The following CBFB variants were observed in gnomAD, a reference collection of about 807,000 sequenced individuals.
CBFB encodes core-binding factor subunit beta, also known as CBF-beta.
Under a neutral mutation model 30.4 loss-of-function variants are expected in CBFB, and 9 were observed. The observed-to-expected ratio is 0.30, with a 90% CI of 0.18 to 0.52. The LOEUF is 0.52. CBFB is among the 20% of genes least tolerant of loss of function. CBFB has a pLI of 0.97. For missense variants in CBFB, 170 were observed against 244.0 expected, an observed-to-expected ratio of 0.70 and a Z score of 2.02; for synonymous variants, 94 against 84.0, an observed-to-expected ratio of 1.12 and a Z score of -0.65.
chr16:67,057,888 A>G (rs1252648057), intron 3 of CBFB, among the ~76,000 whole-genome samples: 3 of 152,056 alleles, frequency 2.0e-5, no homozygotes, highest in Non-Finnish European at 2.9e-5. Context: ...CAGCACTCCT[A>G]TATATTTATT....
chr16:67,075,288 C>T (rs1961361471), intron 4 of CBFB, among the ~76,000 whole-genome samples: 1 of 150,980 alleles, frequency 6.6e-6, no homozygotes, highest in African/African-American at 2.4e-5. Flanking sequence ...GAAACACAGA[C>T]AACCTAAAAG....
At position 67,099,001 on chromosome 16, in the gene CBFB, G is replaced by GT. The variant is rs1428568517; in HGVS notation, c.*231dup. On this transcript the variant is annotated 3_prime_UTR_variant, in exon 6 of 6. Transcript: ENST00000412916. Reference sequence around the variant, plus strand: ...AGCATGTAGCCAGTAATAATTTGAAGTTTTTTTTCTATGCAAGCTTACCTT... The same window carrying GT: ...AGCATGTAGCCAGTAATAATTTGAAGTTTTTTTTTCTATGCAAGCTTACCTT... 2.7e-5 allele frequency: 11 copies of GT among 413,260 alleles called. No homozygotes were observed. Among genetic ancestry groups the GT allele is most frequent in the Admixed American group, 1.3e-4 (3 of 23,380 alleles). The allele number at this position is 413,260 out of a possible 1,614,324, so 25.6% of individuals were successfully genotyped here.
intron 2 of CBFB, among the ~76,000 whole-genome samples, chr16:67,030,623 A>T (rs983924173): frequency 1.3e-5 from 2 of 152,140 alleles, no homozygotes; most frequent in African/African-American, 2.4e-5. Flanking sequence ...TTTTTGAGGT[A>T]GAGTCTTGCT....
At chr16:67,074,432 G>T (rs139167937) in intron 4 of CBFB, among the ~76,000 whole-genome samples, 86 of 151,070 alleles carry the variant, frequency 5.7e-4, no homozygotes, top group African/African-American at 2.0e-3. Context: ...CACCAGGCTG[G>T]AGTGCAGTGG....
At position 67,099,603 on chromosome 16, in the gene CBFB, T is replaced by C. The variant is rs1311545386; in HGVS notation, c.*825T>C. ...TACTCTGCCCTAGATTGTTTTAGCTTCTGTTCTGTAATCATGAGTTTGGTT... is the reference window on the plus strand; with the variant it reads ...TACTCTGCCCTAGATTGTTTTAGCTCCTGTTCTGTAATCATGAGTTTGGTT... On this transcript the variant is annotated 3_prime_UTR_variant, in exon 6 of 6. Transcript: ENST00000412916. The C allele has an allele frequency of 4.5e-5, 9 of 201,982 alleles. No individual in the cohort carries two copies. Among genetic ancestry groups the C allele is most frequent in the Non-Finnish European group, 9.2e-5 (9 of 98,058 alleles). The allele number at this position is 201,982 out of a possible 1,614,324, so 12.5% of individuals were successfully genotyped here.
chr16:67,036,894 G>A, intron 3 of CBFB, 139 bp downstream of exon 3: 1 of 602,352 alleles, frequency 1.7e-6, no homozygotes, highest in Non-Finnish European at 2.9e-6. Context: ...ATGTTATAAG[G>A]ATGTAATATA....
At chr16:67,076,033 C>A (rs977278713) in intron 4 of CBFB, among the ~76,000 whole-genome samples, 5 of 152,118 alleles carry the variant, frequency 3.3e-5, no homozygotes, top group African/African-American at 1.2e-4. Context: ...AGTTCGAGAC[C>A]ACCTTGGCCA....
chr16:67,041,359 T>G (rs1966527044), intron 3 of CBFB, among the ~76,000 whole-genome samples: 2 of 152,124 alleles, frequency 1.3e-5, no homozygotes, highest in African/African-American at 4.8e-5. Flanking sequence ...GTAATCTTGG[T>G]GAGAGACCAG....
Position 67,029,230 on chromosome 16 carries a change from G to C in CBFB, c.-178G>C. On this transcript the variant is annotated 5_prime_UTR_variant, in exon 1 of 6. Transcript: ENST00000412916. ...GCGGCGGCGTGGGTTGGGCTCGAGC[G>C]GGCGGCGGCGCCTCAGACTCCCCGG... 3.2e-6 allele frequency: 1 copy of C among 315,982 alleles called. No homozygotes were observed. The highest frequency in any genetic ancestry group is 5.5e-6 in the Non-Finnish European group (1 of 180,544). 19.6% of individuals were successfully genotyped at this position (315,982 alleles called of 1,614,324 possible).
chr16:67,045,026 A>ATG (rs1966597716), intron 3 of CBFB, among the ~76,000 whole-genome samples: 1 of 152,206 alleles, frequency 6.6e-6, no homozygotes, highest in African/African-American at 2.4e-5. Context: ...TTTTAAAAAT[A>ATG]TGCTTTAGAT....
chr16:67,034,955 A>G (rs1238188329), intron 2 of CBFB, among the ~76,000 whole-genome samples: 1 of 152,180 alleles, frequency 6.6e-6, no homozygotes, highest in Non-Finnish European at 1.5e-5. Flanking sequence ...TTGATTTGTG[A>G]GAAAACTGAA....
intron 3 of CBFB, among the ~76,000 whole-genome samples, chr16:67,043,147 C>T (rs1217947964): frequency 1.3e-5 from 2 of 152,122 alleles, no homozygotes; most frequent in African/African-American, 4.8e-5. Flanking sequence ...CTAAGTCTAG[C>T]CCACATTCAA....
chr16:67,047,700 A>T (rs1038319673), intron 3 of CBFB, among the ~76,000 whole-genome samples: 3 of 151,860 alleles, frequency 2.0e-5, no homozygotes, highest in Non-Finnish European at 4.4e-5. Context: ...TTTTTTTTTT[A>T]GGATATTTAT....
intron 3 of CBFB, among the ~76,000 whole-genome samples, chr16:67,058,991 G>GT (rs768311764): frequency 9.2e-5 from 14 of 152,192 alleles, no homozygotes; most frequent in Non-Finnish European, 1.8e-4. Flanking sequence ...CAAATCTGTA[G>GT]TTACTCTGTT....
chr16:67,083,893 A>T (rs1286270526), intron 5 of CBFB, among the ~76,000 whole-genome samples: 1 of 152,038 alleles, frequency 6.6e-6, no homozygotes, highest in Non-Finnish European at 1.5e-5. Flanking sequence ...CTAGGGCCAG[A>T]TGCTATGGCT....
intron 3 of CBFB, among the ~76,000 whole-genome samples, chr16:67,054,022 G>T (rs1194823889): frequency 6.6e-6 from 1 of 151,928 alleles, no homozygotes; most frequent in African/African-American, 2.4e-5. Context: ...TCTTGGTGAT[G>T]ACCATCCTCA....
intron 5 of CBFB, among the ~76,000 whole-genome samples, chr16:67,083,936 A>G (rs1350487804): frequency 6.6e-6 from 1 of 151,966 alleles, no homozygotes; most frequent in Non-Finnish European, 1.5e-5. Context: ...TGGGAGGCTG[A>G]GGTGGGAGGA....
chr16:67,040,985 G>A (rs951190107), intron 3 of CBFB, among the ~76,000 whole-genome samples: 1 of 152,194 alleles, frequency 6.6e-6, no homozygotes, highest in Non-Finnish European at 1.5e-5. Context: ...GGAGTAGACT[G>A]TGAAAGAAGT....
At chr16:67,046,993 G>A (rs1966637749) in intron 3 of CBFB, among the ~76,000 whole-genome samples, 1 of 152,030 alleles carries the variant, frequency 6.6e-6, no homozygotes, top group Non-Finnish European at 1.5e-5. Flanking sequence ...AAATTGATGT[G>A]TGTTTAGGAA....
Sources: gnomAD v4.1 joint callset for allele counts (sites outside exome capture counted in the v4.1 genomes callset) on GRCh38, gnomAD v4.1.1 for gene constraint, MANE v1.5 for transcripts, NCBI Gene and HGNC (gene_info 2026-07-23, HGNC 2026-07-21) for gene names.